The following CTNNA2 variants were observed in gnomAD, a reference collection of about 807,000 sequenced individuals.
CTNNA2 encodes catenin alpha 2.
CTNNA2 carries 42 observed loss-of-function variants against 101.0 expected under a neutral mutation model. The ratio of observed to expected loss-of-function variants is 0.42; its 90% CI spans 0.32 to 0.54. The LOEUF (loss-of-function observed/expected upper bound fraction) is 0.54, where lower values mean the gene tolerates loss of function less well. Among genes scored for constraint, CTNNA2 ranks in the 20% least tolerant of loss-of-function variants. CTNNA2 has a pLI of 0.14. For missense variants in CTNNA2, 871 were observed against 1,223.1 expected (o/e 0.71, Z 4.29); for synonymous variants, 450 against 456.4 (o/e 0.99, Z 0.18).
intron 4 of CTNNA2, among the ~76,000 whole-genome samples, chr2:79,385,968 A>G (rs1019612611): frequency 4.3e-4 from 65 of 152,208 alleles, no homozygotes; most frequent in African/African-American, 1.5e-3. Context: ...AGTCTTTGCT[A>G]TTGAAGAGTG....
At chr2:79,988,265 C>T (rs1233195192) in intron 7 of CTNNA2, among the ~76,000 whole-genome samples, 2 of 152,164 alleles carry the variant, frequency 1.3e-5, no homozygotes, top group Non-Finnish European at 1.5e-5. Context: ...TGTCATAGGG[C>T]ACAGGTAAGA....
chr2:80,120,393 G>A (rs768632238), intron 7 of CTNNA2, among the ~76,000 whole-genome samples: 31 of 152,110 alleles, frequency 2.0e-4, no homozygotes, highest in Non-Finnish European at 7.3e-5. Context: ...GATACCCTGT[G>A]GTCTAACAAG....
intron 3 of CTNNA2, among the ~76,000 whole-genome samples, chr2:79,783,116 G>A (rs530351821): frequency 6.6e-6 from 1 of 152,204 alleles, no homozygotes; most frequent in South Asian, 2.1e-4. Context: ...GACATTTTAT[G>A]TCCCTCTGTG....
chr2:79,662,404 T>G (rs2104533902), intron 2 of CTNNA2, among the ~76,000 whole-genome samples: 1 of 152,114 alleles, frequency 6.6e-6, no homozygotes, highest in East Asian at 1.9e-4. Flanking sequence ...CAGAGAAAAA[T>G]AATGATATCT....
At chr2:79,787,391 CAG>C (rs57693892) in intron 3 of CTNNA2, among the ~76,000 whole-genome samples, 5,951 of 151,956 alleles carry the variant, frequency 0.039, 292 homozygotes, top group East Asian at 0.16. Flanking sequence ...GCAGAAGACA[CAG>C]GGAGGAGTAG....
At chr2:79,227,906 C>T (rs1007077743) in intron 2 of CTNNA2, among the ~76,000 whole-genome samples, 4 of 152,174 alleles carry the variant, frequency 2.6e-5, no homozygotes, top group Non-Finnish European at 5.9e-5. Flanking sequence ...ACCCACGGCC[C>T]TCCCCTTTCT....
intron 7 of CTNNA2, among the ~76,000 whole-genome samples, chr2:79,983,716 CT>C (rs1199962899): frequency 1.3e-5 from 2 of 152,126 alleles, no homozygotes; most frequent in African/African-American, 2.4e-5. Context: ...CTTAAATTCT[CT>C]GTTTTTAAGA....
intron 3 of CTNNA2, among the ~76,000 whole-genome samples, chr2:79,835,827 T>G (rs1383104213): frequency 6.6e-6 from 1 of 151,854 alleles, no homozygotes; most frequent in African/African-American, 2.4e-5. Context: ...GAGACAGGGT[T>G]TCACCATGTT....
intron 9 of CTNNA2, among the ~76,000 whole-genome samples, chr2:80,440,792 A>G (rs1431268395): frequency 1.3e-5 from 2 of 152,194 alleles, no homozygotes; most frequent in South Asian, 2.1e-4. Flanking sequence ...ATTCCACCCC[A>G]TGATCTGAAA....
chr2:79,599,963 C>G (rs1042784003), intron 1 of CTNNA2, among the ~76,000 whole-genome samples: 7 of 152,068 alleles, frequency 4.6e-5, no homozygotes, highest in Admixed American at 6.5e-5. Flanking sequence ...GGGAGTAGAA[C>G]AGAGAGATTG....
At chr2:79,481,698 C>T (rs1382010596) in intron 4 of CTNNA2, among the ~76,000 whole-genome samples, 1 of 152,050 alleles carries the variant, frequency 6.6e-6, no homozygotes, top group Non-Finnish European at 1.5e-5. Context: ...TTCATAAATC[C>T]AAACTCATCA....
chr2:79,708,760 A>G (rs1192216123), intron 2 of CTNNA2, among the ~76,000 whole-genome samples: 4 of 152,142 alleles, frequency 2.6e-5, no homozygotes, highest in African/African-American at 9.7e-5. Flanking sequence ...TTTAATGACA[A>G]TTTTTGCAAA....
At chr2:80,182,137 C>T (rs969872755) in intron 7 of CTNNA2, among the ~76,000 whole-genome samples, 1 of 152,132 alleles carries the variant, frequency 6.6e-6, no homozygotes, top group East Asian at 1.9e-4. Flanking sequence ...GAAGCCAGTA[C>T]AAGTCACAAA....
chr2:79,840,753 C>G (rs1260281717), intron 3 of CTNNA2, among the ~76,000 whole-genome samples: 1 of 129,580 alleles, frequency 7.7e-6, no homozygotes, highest in African/African-American at 3.1e-5. Flanking sequence ...GGCAGGACAG[C>G]GAGACTACCT....
intron 7 of CTNNA2, among the ~76,000 whole-genome samples, chr2:80,368,738 C>A: frequency 6.7e-6 from 1 of 150,060 alleles, no homozygotes. Flanking sequence ...TTTTTAGCAG[C>A]CTGTTTTCAA....
chr2:79,416,449 G>A lies in CTNNA2; in HGVS notation c.-135+42436G>A, dbSNP rs78055645. 7.3e-5 allele frequency among the ~76,000 whole-genome samples: 11 copies of A among 151,588 alleles called. No individual in the cohort carries two copies. The South Asian group carries it at 1.0e-3, about 14-fold the overall frequency. On this transcript the variant is annotated intron_variant, in intron 4 of 21. Transcript: ENST00000466387. ...CTTACAATGAATTTAACATGTTAAC[G>A]TCTCTGCAGCATCACTGGCTGTAGA...
chr2:79,511,899 T>C (rs1415890205), upstream of CTNNA2, among the ~76,000 whole-genome samples: 1 of 152,160 alleles, frequency 6.6e-6, no homozygotes, highest in Admixed American at 6.5e-5. Flanking sequence ...CTGATGCTAG[T>C]GGACTAGGAT....
chr2:80,123,573 G>T (rs1399504910), intron 7 of CTNNA2, among the ~76,000 whole-genome samples: 1 of 152,154 alleles, frequency 6.6e-6, no homozygotes, highest in East Asian at 1.9e-4. Context: ...TATTACTTCT[G>T]AAGGTCTGCA....
intron 17 of CTNNA2, among the ~76,000 whole-genome samples, chr2:80,617,489 C>T (rs1318602573): frequency 6.6e-6 from 1 of 151,710 alleles, no homozygotes; most frequent in Non-Finnish European, 1.5e-5. Flanking sequence ...AAAATATATG[C>T]AGAGTATCAT....
Sources: gnomAD v4.1 joint callset for allele counts (sites outside exome capture counted in the v4.1 genomes callset) on GRCh38, gnomAD v4.1.1 for gene constraint, MANE v1.5 for transcripts, NCBI Gene and HGNC (gene_info 2026-07-23, HGNC 2026-07-21) for gene names.